Variants in NFIB observed in about 807,000 individuals in gnomAD.
The protein encoded by NFIB is nuclear factor 1 B-type.
A neutral mutation model predicts 61.5 loss-of-function variants in NFIB; 11 were observed. The ratio of observed to expected loss-of-function variants is 0.18; its 90% CI spans 0.11 to 0.30. The LOEUF (loss-of-function observed/expected upper bound fraction) is 0.30, where lower values mean the gene tolerates loss of function less well. NFIB is among the 10% of genes least tolerant of loss of function. The pLI is 1.00. For missense variants in NFIB, 471 were observed against 608.9 expected (o/e 0.77, Z 2.38); for synonymous variants, 260 against 216.5 (o/e 1.20, Z -1.76).
At chr9:14,468,857 T>G in the NFIB span, among the ~76,000 whole-genome samples, 2 of 152,176 alleles carry the variant, frequency 1.3e-5, no homozygotes, top group South Asian at 4.1e-4. Context: ...ATTGCCCAGA[T>G]CTCACAGGTA....
chr9:14,431,059 T>C, the NFIB span, among the ~76,000 whole-genome samples: 1 of 152,246 alleles, frequency 6.6e-6, no homozygotes, highest in African/African-American at 2.4e-5. Flanking sequence ...TAAAAGCAGA[T>C]AATTTCTCAA....
intron 2 of NFIB, among the ~76,000 whole-genome samples, chr9:14,231,131 A>ATATATATAT (rs1252546393): frequency 1.3e-4 from 10 of 75,460 alleles, no homozygotes; most frequent in African/African-American, 5.1e-4. Flanking sequence ...AAAAAAAAAA[A>ATATATATAT]AAAAATATAT....
chr9:14,383,778 T>G (rs1282188425), intron 1 of NFIB, among the ~76,000 whole-genome samples: 1 of 152,200 alleles, frequency 6.6e-6, no homozygotes, highest in Non-Finnish European at 1.5e-5. Context: ...CTGGCCACCT[T>G]GTGGAATGCA....
chr9:14,390,179 A>G (rs957530786), intron 1 of NFIB, among the ~76,000 whole-genome samples: 1 of 152,168 alleles, frequency 6.6e-6, no homozygotes, highest in Non-Finnish European at 1.5e-5. Context: ...AAAAAAAGGC[A>G]AGCAATCATG....
rs376356980 is a variant in NFIB at position 14,134,309 on chromosome 9, T to C, written c.926-8543A>G. On this transcript the variant is annotated intron_variant, in intron 6 of 10. Coordinates refer to ENST00000380953, the MANE Select transcript of NFIB (RefSeq NM_001190737.2). The stretch of plus-strand genomic sequence containing the variant: ...TTACCAAAAGCCTTAGAAATGGACA[T>C]AAGATTTAACTTAGTAATTCTACAG... Among the ~76,000 whole-genome samples, 9 of 152,176 alleles carry C rather than the reference T, an allele frequency of 5.9e-5. No homozygotes were observed. The East Asian group carries it at 9.7e-4, about 16-fold the overall frequency.
intron 2 of NFIB, among the ~76,000 whole-genome samples, chr9:14,200,423 C>A (rs1222084874): frequency 6.6e-6 from 1 of 152,210 alleles, no homozygotes; most frequent in Non-Finnish European, 1.5e-5. Context: ...CTCACATACT[C>A]TCTGATCACG....
At chr9:14,289,127 T>TGC (rs1238036667) in intron 2 of NFIB, among the ~76,000 whole-genome samples, 45 of 145,688 alleles carry the variant, frequency 3.1e-4, no homozygotes, top group African/African-American at 1.1e-3. Flanking sequence ...TATATGTATA[T>TGC]ATATATATAT....
At chr9:14,274,251 T>TACATACACAC (rs1554696438) in intron 2 of NFIB, among the ~76,000 whole-genome samples, 1 of 123,976 alleles carries the variant, frequency 8.1e-6, no homozygotes, top group Non-Finnish European at 1.6e-5. Flanking sequence ...TCTTCCTCCC[T>TACATACACAC]ACACACACAC....
chr9:14,188,782 G>A (rs764336980), intron 2 of NFIB, among the ~76,000 whole-genome samples: 2 of 152,126 alleles, frequency 1.3e-5, no homozygotes, highest in African/African-American at 4.8e-5. Context: ...GAGACATTTT[G>A]GATTTCAGCT....
chr9:14,110,525 T>C (rs2037205185), intron 10 of NFIB, among the ~76,000 whole-genome samples: 1 of 152,096 alleles, frequency 6.6e-6, no homozygotes. Flanking sequence ...TTGATTTTCC[T>C]TTTCATTCAT....
At chr9:14,303,248 T>A (rs1308088365) in intron 2 of NFIB, among the ~76,000 whole-genome samples, 1 of 152,146 alleles carries the variant, frequency 6.6e-6, no homozygotes, top group African/African-American at 2.4e-5. Flanking sequence ...AGAGCAACAG[T>A]CAGTCATAAT....
At chr9:14,347,786 C>G (rs981627159) in intron 1 of NFIB, among the ~76,000 whole-genome samples, 4 of 151,972 alleles carry the variant, frequency 2.6e-5, no homozygotes, top group African/African-American at 9.7e-5. Context: ...AATCACTACC[C>G]GGCGACGGCT....
chr9:14,400,221 G>T (rs1368278840), upstream of NFIB, among the ~76,000 whole-genome samples: 1 of 152,086 alleles, frequency 6.6e-6, no homozygotes, highest in African/African-American at 2.4e-5. Context: ...AACATAAAAT[G>T]TCTTAACTCA....
chr9:14,311,214 T>C (rs1009953669), intron 1 of NFIB, among the ~76,000 whole-genome samples: 4 of 152,150 alleles, frequency 2.6e-5, no homozygotes, highest in East Asian at 1.9e-4. Flanking sequence ...AGATTTTTTT[T>C]CTAAAACCTA....
chr9:14,505,769 C>G, the NFIB span, among the ~76,000 whole-genome samples: 2 of 152,108 alleles, frequency 1.3e-5, no homozygotes, highest in African/African-American at 2.4e-5. Context: ...CCAGGGGCCC[C>G]CACCTGGGTA....
At chr9:14,118,901 T>C (rs766138046) in intron 8 of NFIB, among the ~76,000 whole-genome samples, 75 of 151,390 alleles carry the variant, frequency 5.0e-4, no homozygotes, top group Non-Finnish European at 9.4e-4. Flanking sequence ...TATAAAGAAA[T>C]TGAAATATAC....
Position 14,360,285 on chromosome 9 carries a change from G to C in NFIB, c.108+38239C>G, listed in dbSNP as rs73419617. Reference sequence around the variant, plus strand: ...TTAAGAGCTTACAATTTATTTGCCAGTAAGAAATTTGGTATAGCCCCCATA... The same window carrying C: ...TTAAGAGCTTACAATTTATTTGCCACTAAGAAATTTGGTATAGCCCCCATA... On this transcript the variant is annotated intron_variant, in intron 1 of 8. Transcript: ENST00000380934. Among the ~76,000 whole-genome samples, 466 of 152,270 alleles carry C rather than the reference G, an allele frequency of 3.1e-3. 4 individuals carry two copies. The highest frequency in any genetic ancestry group is 9.7e-3 in the African/African-American group (405 of 41,544).
At chr9:14,221,054 A>C (rs889239047) in intron 2 of NFIB, among the ~76,000 whole-genome samples, 1 of 152,122 alleles carries the variant, frequency 6.6e-6, no homozygotes, top group African/African-American at 2.4e-5. Context: ...TCCTGAGGTC[A>C]AGCCAAGCCA....
intron 10 of NFIB, among the ~76,000 whole-genome samples, chr9:14,093,930 C>G (rs2034359334): frequency 6.6e-6 from 1 of 152,056 alleles, no homozygotes; most frequent in Admixed American, 6.6e-5. Context: ...ATACCAGTTG[C>G]TAGCACTTAT....
Sources: allele counts gnomAD v4.1 joint callset (sites outside exome capture counted in the v4.1 genomes callset), GRCh38; gene constraint gnomAD v4.1.1; transcripts MANE v1.5; gene names NCBI Gene and HGNC (gene_info 2026-07-23, HGNC 2026-07-21).